The following OR2C1 variants were observed in gnomAD, a reference collection of about 807,000 sequenced individuals.
The protein encoded by OR2C1 is olfactory receptor family 2 subfamily C member 1.
For synonymous variants in OR2C1, 209 were observed against 167.3 expected, an observed-to-expected ratio of 1.25 and a Z score of -1.92; for missense variants, 468 against 388.3, an observed-to-expected ratio of 1.21 and a Z score of -1.73.
the OR2C1 span, among the ~76,000 whole-genome samples, chr16:3,337,810 ATGTC>A: frequency 0.1 from 15,349 of 151,810 alleles, 1,772 homozygotes; most frequent in East Asian, 0.6. Flanking sequence ...ATTCTTGTGG[ATGTC>A]TGTCTGTCTT....
At chr16:3,343,264 C>G in the OR2C1 span, among the ~76,000 whole-genome samples, 1 of 151,758 alleles carries the variant, frequency 6.6e-6, no homozygotes, top group African/African-American at 2.4e-5. Context: ...AAATCTTCAG[C>G]TAACTTTTGT....
At chr16:3,345,702 C>T in the OR2C1 span, among the ~76,000 whole-genome samples, 1 of 151,304 alleles carries the variant, frequency 6.6e-6, no homozygotes, top group African/African-American at 2.4e-5. Context: ...GGATTCTTTC[C>T]CTTTCCTTCC....
At chr16:3,339,553 T>G in the OR2C1 span, among the ~76,000 whole-genome samples, 2 of 152,244 alleles carry the variant, frequency 1.3e-5, no homozygotes, top group African/African-American at 4.8e-5. Context: ...GCCTCCTGGG[T>G]TTACGACATT....
the OR2C1 span, among the ~76,000 whole-genome samples, chr16:3,345,777 CTTTCT>C: frequency 1.3e-5 from 2 of 149,898 alleles, no homozygotes; most frequent in Admixed American, 7.0e-5. Flanking sequence ...TTCTCTCCCT[CTTTCT>C]TTTTTCTTTC....
chr16:3,347,496 C>G, the OR2C1 span, among the ~76,000 whole-genome samples: 1 of 151,106 alleles, frequency 6.6e-6, no homozygotes, highest in Non-Finnish European at 1.5e-5. Flanking sequence ...GAGTTTTGCT[C>G]TGTTGCCCAG....
Position 3,356,630 on chromosome 16 carries a change from T to A in OR2C1, c.690T>A (p.Ser230=), listed in dbSNP as rs568122326. 1 of 1,614,204 alleles carries A rather than the reference T, an allele frequency of 6.2e-7. No homozygotes were observed. The highest frequency in any genetic ancestry group is 1.1e-5 in the South Asian group (1 of 91,088). Residue 230 remains serine (S), a synonymous_variant, in exon 1 of 1, where the codon TCT becomes TCA. Transcript: ENST00000304936. Reference sequence around the variant, plus strand: ...CTCAGGCAGTGCTGAAAATCCGCTCTGCAGAGGGGAGGCGAAAGGCGTTCA... The same window carrying A: ...CTCAGGCAGTGCTGAAAATCCGCTCAGCAGAGGGGAGGCGAAAGGCGTTCA... ...LIAQAVLKIR[S]AEGRRKAFNT...
At chr16:3,324,413 C>T in the OR2C1 span, among the ~76,000 whole-genome samples, 1 of 152,174 alleles carries the variant, frequency 6.6e-6, no homozygotes, top group Non-Finnish European at 1.5e-5. Flanking sequence ...TGGTCTCGAA[C>T]TCCTGAGCTC....
At chr16:3,329,974 C>CA in the OR2C1 span, among the ~76,000 whole-genome samples, 4 of 151,538 alleles carry the variant, frequency 2.6e-5, no homozygotes, top group Non-Finnish European at 5.9e-5. Flanking sequence ...AGGCTGGTCT[C>CA]AAACTCCTGA....
At chr16:3,333,210 C>CTTTTTTT in the OR2C1 span, among the ~76,000 whole-genome samples, 63 of 33,050 alleles carry the variant, frequency 1.9e-3, 20 homozygotes, top group Non-Finnish European at 2.5e-3. Flanking sequence ...ATCTTTTGCC[C>CTTTTTTT]ATTTTTTTTT....
the OR2C1 span, among the ~76,000 whole-genome samples, chr16:3,327,681 C>G: frequency 1.3e-5 from 2 of 150,520 alleles, no homozygotes; most frequent in African/African-American, 2.5e-5. Flanking sequence ...GCACTTTTAA[C>G]AAGCCTCAGA....
At chr16:3,323,223 C>A in the OR2C1 span, 1 of 749,946 alleles carries the variant, frequency 1.3e-6, no homozygotes, top group South Asian at 1.4e-5. Flanking sequence ...GATGCATTCA[C>A]CCCAATAGCC....
chr16:3,357,144 C>T lies in OR2C1; in HGVS notation c.*265C>T, dbSNP rs1202628971. On this transcript the variant is annotated 3_prime_UTR_variant, in exon 1 of 1. Coordinates refer to ENST00000304936, the MANE Select transcript of OR2C1 (RefSeq NM_012368.3). The stretch of plus-strand genomic sequence containing the variant: ...GGGCTCAGAGGTTATTGACCTGTGA[C>T]AGACCTGTCTCACTGTCTCTGTCTC... The T allele has an allele frequency of 2.5e-6, 1 of 406,622 alleles. No individual in the cohort carries two copies. The highest frequency in any genetic ancestry group is 4.6e-6 in the Non-Finnish European group (1 of 217,598). 25.2% of individuals were successfully genotyped at this position (406,622 alleles called of 1,614,324 possible). A position where few individuals can be genotyped will look rare whatever the true frequency, so the allele number is the denominator to read the frequency against.
upstream of OR2C1, among the ~76,000 whole-genome samples, chr16:3,352,738 C>CTTTTTTTTTTTTTTTTT (rs56083973): frequency 8.8e-6 from 1 of 113,134 alleles, no homozygotes; most frequent in Non-Finnish European, 1.8e-5. Context: ...TTCTTTCTTT[C>CTTTTTTTTTTTTTTTTT]TTTTTTTTTT....
chr16:3,354,629 C>T (rs2030629634), upstream of OR2C1, among the ~76,000 whole-genome samples: 1 of 152,160 alleles, frequency 6.6e-6, no homozygotes, highest in African/African-American at 2.4e-5. Context: ...TTTCTAGATC[C>T]AGCACTGAGG....
chr16:3,349,281 C>T, the OR2C1 span, among the ~76,000 whole-genome samples: 14 of 152,306 alleles, frequency 9.2e-5, no homozygotes, highest in African/African-American at 2.9e-4. Flanking sequence ...AGGTGACAGA[C>T]TGAGTCGGTT....
chr16:3,338,555 T>TTTTTTTTTTTTTTTAAAGGG, the OR2C1 span, among the ~76,000 whole-genome samples: 1 of 140,646 alleles, frequency 7.1e-6, no homozygotes, highest in Non-Finnish European at 1.6e-5. Context: ...TTTTTTTTTT[T>TTTTTTTTTTTTTTTAAAGGG]GAAACGGAGT....
chr16:3,338,172 A>G, the OR2C1 span, among the ~76,000 whole-genome samples: 2 of 152,172 alleles, frequency 1.3e-5, no homozygotes, highest in East Asian at 3.9e-4. Context: ...GCAGCTAAGC[A>G]ATCACTCTGA....
the OR2C1 span, among the ~76,000 whole-genome samples, chr16:3,330,923 T>A: frequency 0.031 from 3,035 of 96,480 alleles, 30 homozygotes; most frequent in Non-Finnish European, 0.042. Flanking sequence ...TAATTAAAAA[T>A]TTTTTTTTTC....
chr16:3,346,750 C>T, the OR2C1 span, among the ~76,000 whole-genome samples: 8 of 150,664 alleles, frequency 5.3e-5, no homozygotes, highest in African/African-American at 1.7e-4. Flanking sequence ...CTGCCTCAGC[C>T]TCCTGAGCAG....
Sources: allele counts gnomAD v4.1 joint callset (sites outside exome capture counted in the v4.1 genomes callset), GRCh38; gene constraint gnomAD v4.1.1; transcripts MANE v1.5; gene names NCBI Gene and HGNC (gene_info 2026-07-23, HGNC 2026-07-21).